The following FAM161A variants were observed in gnomAD, a reference collection of about 807,000 sequenced individuals.
The protein encoded by FAM161A is protein FAM161A.
FAM161A carries 57 observed loss-of-function variants against 70.9 expected under a neutral mutation model. The observed-to-expected ratio is 0.80, with a 90% CI of 0.65 to 1.00. FAM161A has a LOEUF of 1.00. Among genes scored for constraint, FAM161A ranks in the 50% least tolerant of loss-of-function variants. The probability of loss-of-function intolerance (pLI) is 0.00; values close to 1 mark genes in which losing one functional copy is unlikely to be tolerated. For missense variants in FAM161A, 880 were observed against 836.0 expected, an observed-to-expected ratio of 1.05 and a Z score of -0.65; for synonymous variants, 299 against 295.7, an observed-to-expected ratio of 1.01 and a Z score of -0.12.
At chr2:61,834,715 G>A (rs771968185) in intron 5 of FAM161A, among the ~76,000 whole-genome samples, 1 of 151,984 alleles carries the variant, frequency 6.6e-6, no homozygotes, top group African/African-American at 2.4e-5. Context: ...CACCTGCTTC[G>A]GCCTCCCAAA....
intron 2 of FAM161A, 34 bp downstream of exon 2, chr2:61,842,088 A>T (rs1278863927): frequency 1.6e-6 from 2 of 1,278,064 alleles, no homozygotes; most frequent in Admixed American, 3.4e-5. Context: ...ATTTTATTTT[A>T]TACTCCACAA....
chr2:61,811,894 T>C, the FAM161A span, among the ~76,000 whole-genome samples: 3 of 152,312 alleles, frequency 2.0e-5, no homozygotes, highest in East Asian at 5.8e-4. Flanking sequence ...GCAAAATCTT[T>C]ACTGTGTCCT....
intron 1 of FAM161A, among the ~76,000 whole-genome samples, chr2:61,852,138 G>C (rs939313332): frequency 2.0e-5 from 3 of 151,662 alleles, no homozygotes; most frequent in Non-Finnish European, 4.4e-5. Flanking sequence ...CATGTGTGGT[G>C]GTCTCAGAAC....
downstream of FAM161A, chr2:61,824,797 T>C: frequency 3.1e-6 from 1 of 323,100 alleles, no homozygotes; most frequent in Non-Finnish European, 6.0e-6. Flanking sequence ...GAAATGTTTT[T>C]AATCCCATGT....
chr2:61,815,535 CTTTTTTTTTTTTTTTT>C, the FAM161A span, among the ~76,000 whole-genome samples: 19 of 53,210 alleles, frequency 3.6e-4, no homozygotes, highest in African/African-American at 8.0e-4. Flanking sequence ...AAAGATGTGT[CTTTTTTTTTTTTTTTT>C]TTTTTTTTTT....
At chr2:61,834,556 A>G (rs1171633016) in intron 5 of FAM161A, among the ~76,000 whole-genome samples, 1 of 151,438 alleles carries the variant, frequency 6.6e-6, no homozygotes, top group Non-Finnish European at 1.5e-5. Context: ...TCCGCCTCCC[A>G]AGTTCAAGCA....
intron 1 of FAM161A, among the ~76,000 whole-genome samples, chr2:61,844,147 A>G (rs945646155): frequency 1.3e-5 from 2 of 152,172 alleles, no homozygotes; most frequent in Non-Finnish European, 2.9e-5. Context: ...TGTCTCCAAA[A>G]AAAAAAGCAG....
At chr2:61,853,822 A>G (rs1457268717) in intron 1 of FAM161A, 37 bp downstream of exon 1, 1 of 1,612,618 alleles carries the variant, frequency 6.2e-7, no homozygotes. Flanking sequence ...CACCCAGCCC[A>G]TGCGAGGTCC....
chr2:61,802,690 G>A, the FAM161A span, among the ~76,000 whole-genome samples: 1 of 152,146 alleles, frequency 6.6e-6, no homozygotes, highest in Non-Finnish European at 1.5e-5. Context: ...TCAAATGAGT[G>A]TCAGTTACTT....
chr2:61,837,474 T>C (rs369076216), intron 4 of FAM161A, among the ~76,000 whole-genome samples: 39 of 152,296 alleles, frequency 2.6e-4, no homozygotes, highest in African/African-American at 8.9e-4. Flanking sequence ...GTTGGTGTTA[T>C]GAAAAAGCTA....
At chr2:61,804,999 A>AT in the FAM161A span, among the ~76,000 whole-genome samples, 25 of 148,406 alleles carry the variant, frequency 1.7e-4, no homozygotes, top group East Asian at 2.0e-4. Context: ...TCTGACTGCC[A>AT]TTTTTTTTTT....
chr2:61,839,992 G>C lies in FAM161A; in HGVS notation c.1012C>G (p.Arg338Gly). The change falls in exon 3 of 7, where the codon CGG becomes GGG. Residue 338 changes from arginine (R) to glycine (G), a missense_variant. By Grantham distance (125) the Arg-to-Gly change is moderately radical. Coordinates refer to ENST00000404929, the MANE Select transcript of FAM161A (RefSeq NM_001201543.2). ...IAREEQKRAA[R>G]EKQLRDFLKY... ...AGAAAGTCTCTCAGCTGCTTTTCCC[G>C]GGCTGCTCGCTTCTGTTCCTCCCTT... is the stretch of plus-strand genomic sequence containing the variant. The C allele has an allele frequency of 6.2e-7, 1 of 1,614,008 alleles. No homozygotes were observed. Among genetic ancestry groups the C allele is most frequent in the Non-Finnish European group, 8.5e-7 (1 of 1,179,996 alleles).
At chr2:61,802,738 T>G in the FAM161A span, among the ~76,000 whole-genome samples, 1 of 152,224 alleles carries the variant, frequency 6.6e-6, no homozygotes, top group African/African-American at 2.4e-5. Flanking sequence ...ATGTATTCAT[T>G]CAGTCATCCT....
chr2:61,840,926 A>G (rs535425139), intron 2 of FAM161A, among the ~76,000 whole-genome samples: 1 of 152,352 alleles, frequency 6.6e-6, no homozygotes, highest in African/African-American at 2.4e-5. Context: ...CTGAGATTAC[A>G]GGCATGAGCC....
chr2:61,850,004 T>G lies in FAM161A; in HGVS notation c.183+3855A>C, dbSNP rs115826869. On this transcript the variant is annotated intron_variant, in intron 1 of 6. Coordinates refer to ENST00000404929, the MANE Select transcript of FAM161A (RefSeq NM_001201543.2). ...GGGAGGGAGGGAGGGCGGCGTAGGT[T>G]GAAAAACTATCTATTGGGTACCATG... Among the ~76,000 whole-genome samples, 612 of 151,896 alleles carry G rather than the reference T, an allele frequency of 4.0e-3. 5 individuals are homozygous for G. Among genetic ancestry groups the G allele is most frequent in the African/African-American group, 0.013 (557 of 41,410 alleles).
At chr2:61,814,870 G>A in the FAM161A span, among the ~76,000 whole-genome samples, 1 of 152,114 alleles carries the variant, frequency 6.6e-6, no homozygotes, top group Non-Finnish European at 1.5e-5. Flanking sequence ...TAGTTTTTCA[G>A]CCAGAGGCTA....
In FAM161A at chr2:61,826,428, A is replaced by C; in HGVS notation, c.*27T>G. 6.2e-7 allele frequency: 1 copy of C among 1,610,988 alleles called. No homozygotes were observed. The highest frequency in any genetic ancestry group is 8.5e-7 in the Non-Finnish European group (1 of 1,178,194). ...CACCCTGACGCTGCAAACAACAGCA[A>C]GGGCATAGAGAGGAGACCTTGATGA... On this transcript the variant is annotated 3_prime_UTR_variant, in exon 7 of 7. Coordinates refer to ENST00000404929, the MANE Select transcript of FAM161A (RefSeq NM_001201543.2).
chr2:61,845,950 A>T (rs376893895), intron 1 of FAM161A, among the ~76,000 whole-genome samples: 23 of 151,976 alleles, frequency 1.5e-4, no homozygotes, highest in African/African-American at 5.6e-4. Context: ...TTAGCCAGGC[A>T]TGGTGGCGTG....
chr2:61,825,071 G>C lies in FAM161A; in HGVS notation c.*1384C>G, dbSNP rs1399347052. 5 of 453,672 alleles carry C rather than the reference G, an allele frequency of 1.1e-5. No individual in the cohort carries two copies. Among genetic ancestry groups the C allele is most frequent in the South Asian group, 3.1e-5 (2 of 64,270 alleles). The allele number at this position is 453,672 out of a possible 1,614,324, so 28.1% of individuals were successfully genotyped here. On this transcript the variant is annotated 3_prime_UTR_variant, in exon 7 of 7. Coordinates refer to ENST00000404929, the MANE Select transcript of FAM161A (RefSeq NM_001201543.2). Reference sequence around the variant, plus strand: ...AAATGACCTTATTTTTAAATTTAAAGCATAAATTGCCAGTTTGGAAACACT... The same window carrying C: ...AAATGACCTTATTTTTAAATTTAAACCATAAATTGCCAGTTTGGAAACACT...
Sources: gnomAD v4.1 joint callset for allele counts (sites outside exome capture counted in the v4.1 genomes callset) on GRCh38, gnomAD v4.1.1 for gene constraint, MANE v1.5 for transcripts, NCBI Gene and HGNC (gene_info 2026-07-23, HGNC 2026-07-21) for gene names.